The following CADM1 variants were observed in gnomAD, a reference collection of about 807,000 sequenced individuals.
The protein encoded by CADM1 is cell adhesion molecule 1, also known as TSLC-1.
In CADM1, 15 loss-of-function variants were observed where a neutral mutation model predicts 53.1. That is an observed-to-expected ratio of 0.28 (90% confidence interval 0.19 to 0.44). The LOEUF is 0.44. Ranked by LOEUF, CADM1 falls within the 20% of genes least tolerant of loss-of-function variation. The pLI is 1.00. For missense variants in CADM1, 434 were observed against 611.3 expected, an observed-to-expected ratio of 0.71 and a Z score of 3.06; for synonymous variants, 281 against 243.0, an observed-to-expected ratio of 1.16 and a Z score of -1.45.
intron 1 of CADM1, among the ~76,000 whole-genome samples, chr11:115,242,560 G>A (rs1942276186): frequency 6.6e-6 from 1 of 152,056 alleles, no homozygotes; most frequent in Non-Finnish European, 1.5e-5. Context: ...CTCAGGTAAT[G>A]CGCGATCTAC....
At chr11:115,294,187 T>TAC (rs1184419048) in intron 1 of CADM1, among the ~76,000 whole-genome samples, 1 of 152,106 alleles carries the variant, frequency 6.6e-6, no homozygotes, top group Non-Finnish European at 1.5e-5. Flanking sequence ...TGGTGACCCC[T>TAC]ACCACACCCC....
intron 1 of CADM1, among the ~76,000 whole-genome samples, chr11:115,250,437 A>G (rs1050876192): frequency 6.6e-6 from 1 of 152,172 alleles, no homozygotes; most frequent in African/African-American, 2.4e-5. Context: ...CCAGGGTGTT[A>G]AAAGATTAAC....
intron 1 of CADM1, among the ~76,000 whole-genome samples, chr11:115,353,488 G>A (rs774157804): frequency 1.3e-5 from 2 of 152,118 alleles, no homozygotes; most frequent in Non-Finnish European, 2.9e-5. Context: ...TTTTGTTAAA[G>A]CTTTCTTTTG....
At chr11:115,321,417 T>C (rs894654437) in intron 1 of CADM1, among the ~76,000 whole-genome samples, 2 of 152,120 alleles carry the variant, frequency 1.3e-5, no homozygotes, top group African/African-American at 4.8e-5. Flanking sequence ...AAAGCAAACA[T>C]AATAAAACAA....
At chr11:115,431,395 A>G (rs1001856400) in intron 1 of CADM1, among the ~76,000 whole-genome samples, 18 of 151,940 alleles carry the variant, frequency 1.2e-4, no homozygotes, top group African/African-American at 4.1e-4. Flanking sequence ...CCACCCTAAT[A>G]CAAGCCACTG....
At chr11:115,214,191 G>A (rs1303407152) in intron 7 of CADM1, among the ~76,000 whole-genome samples, 1 of 152,200 alleles carries the variant, frequency 6.6e-6, no homozygotes, top group Non-Finnish European at 1.5e-5. Flanking sequence ...ATAGCTTCAT[G>A]CTGAAAATAG....
intron 1 of CADM1, among the ~76,000 whole-genome samples, chr11:115,435,004 G>A (rs1217525079): frequency 6.6e-6 from 1 of 151,744 alleles, no homozygotes; most frequent in East Asian, 1.9e-4. Context: ...GGGATTACAG[G>A]CGTGTACCAC....
intron 1 of CADM1, among the ~76,000 whole-genome samples, chr11:115,351,108 C>T (rs1453457557): frequency 7.1e-6 from 1 of 140,476 alleles, no homozygotes; most frequent in East Asian, 2.1e-4. Context: ...GGCAGATAGA[C>T]ATGGTTGCAA....
At chr11:115,193,280 C>T (rs2037640676) in intron 9 of CADM1, among the ~76,000 whole-genome samples, 2 of 152,188 alleles carry the variant, frequency 1.3e-5, no homozygotes, top group East Asian at 1.9e-4. Context: ...CCATTAAGGC[C>T]TCTTTCTAGT....
chr11:115,178,857 G>A, intron 10 of CADM1, 82 bp from the exon 11 acceptor site: 1 of 1,463,608 alleles, frequency 6.8e-7, no homozygotes, highest in Non-Finnish European at 9.5e-7. Flanking sequence ...TCCAGGGTCA[G>A]AGGGTCACCT....
chr11:115,258,008 T>G (rs1425545046), intron 1 of CADM1, among the ~76,000 whole-genome samples: 1 of 152,330 alleles, frequency 6.6e-6, no homozygotes, highest in African/African-American at 2.4e-5. Flanking sequence ...AATTGAATCC[T>G]TTACCAACCA....
intron 1 of CADM1, among the ~76,000 whole-genome samples, chr11:115,417,210 T>G (rs1947619587): frequency 6.6e-6 from 1 of 152,212 alleles, no homozygotes; most frequent in African/African-American, 2.4e-5. Flanking sequence ...TTATATCACC[T>G]TGACAGTCAA....
At chr11:115,357,265 C>G (rs1204343542) in intron 1 of CADM1, among the ~76,000 whole-genome samples, 1 of 152,244 alleles carries the variant, frequency 6.6e-6, no homozygotes, top group African/African-American at 2.4e-5. Flanking sequence ...ATAAACAGAG[C>G]CACGTGTAGG....
intron 1 of CADM1, among the ~76,000 whole-genome samples, chr11:115,477,595 C>A (rs1328616834): frequency 6.6e-6 from 1 of 152,194 alleles, no homozygotes; most frequent in East Asian, 1.9e-4. Context: ...CAGTAAACTT[C>A]ACAGCAAGGG....
At position 115,266,947 on chromosome 11, in the gene CADM1, T is replaced by C. The variant is rs527293614; in HGVS notation, c.125-26527A>G. Among the ~76,000 whole-genome samples, 2 of 152,376 alleles carry C rather than the reference T, an allele frequency of 1.3e-5. 1 individual carries two copies. The highest frequency in any genetic ancestry group is 4.1e-4 in the South Asian group (2 of 4,830). On this transcript the variant is annotated intron_variant, in intron 1 of 11. Coordinates refer to ENST00000331581, the MANE Select transcript of CADM1 (RefSeq NM_001301043.2). The stretch of plus-strand genomic sequence containing the variant: ...TGATGTGATAAATAATAAATCAGAA[T>C]ACAAGTTACTCTGCGATTATGGGTT...
At chr11:115,393,026 G>A (rs1175298354) in intron 1 of CADM1, among the ~76,000 whole-genome samples, 3 of 123,730 alleles carry the variant, frequency 2.4e-5, no homozygotes, top group African/African-American at 9.6e-5. Context: ...AATAGCCACT[G>A]CAAACCAGCC....
intron 1 of CADM1, among the ~76,000 whole-genome samples, chr11:115,365,954 G>C (rs762224999): frequency 1.4e-4 from 22 of 152,212 alleles, no homozygotes; most frequent in Non-Finnish European, 2.8e-4. Context: ...TCTACTGATT[G>C]ATTGGGCATT....
intron 1 of CADM1, among the ~76,000 whole-genome samples, chr11:115,454,878 A>T (rs1948649953): frequency 1.3e-5 from 2 of 152,186 alleles, no homozygotes; most frequent in African/African-American, 4.8e-5. Flanking sequence ...ATCTATCTTA[A>T]GGGACAAGTG....
At position 115,451,095 on chromosome 11, in the gene CADM1, G is replaced by A. The variant is rs376615158; in HGVS notation, c.124+53176C>T. ...ATAATCTGGAAATAAAAATACTGCTGTAGCAAGTTTTATGTCTTCTACACA... is the reference window on the plus strand; with the variant it reads ...ATAATCTGGAAATAAAAATACTGCTATAGCAAGTTTTATGTCTTCTACACA... On this transcript the variant is annotated intron_variant, in intron 1 of 11. Transcript: ENST00000331581. 3.3e-5 allele frequency among the ~76,000 whole-genome samples: 5 copies of A among 152,304 alleles called. No individual in the cohort carries two copies. The East Asian group carries it at 9.6e-4, about 29-fold the overall frequency.
Sources: allele counts gnomAD v4.1 joint callset (sites outside exome capture counted in the v4.1 genomes callset), GRCh38; gene constraint gnomAD v4.1.1; transcripts MANE v1.5; gene names NCBI Gene and HGNC (gene_info 2026-07-23, HGNC 2026-07-21).